EXOC5: variants seen among roughly 807,000 people sequenced by gnomAD.
EXOC5 encodes the protein SEC10-like 1.
A neutral mutation model predicts 90.8 loss-of-function variants in EXOC5; 17 were observed. The observed-to-expected ratio is 0.19, with a 90% CI of 0.13 to 0.28. EXOC5 has a LOEUF of 0.28. Among genes scored for constraint, EXOC5 ranks in the 10% least tolerant of loss-of-function variants. The pLI, the probability that EXOC5 is intolerant of heterozygous loss-of-function variation, is 1.00. For missense variants in EXOC5, 569 were observed against 830.6 expected (o/e 0.69, Z 3.87); for synonymous variants, 260 against 270.0 (o/e 0.96, Z 0.36).
At chr14:57,223,121 G>C (rs1566727848) in intron 12 of EXOC5, among the ~76,000 whole-genome samples, 1 of 152,004 alleles carries the variant, frequency 6.6e-6, no homozygotes, top group Admixed American at 6.6e-5. Flanking sequence ...CTTGAGGTAA[G>C]AATAAATACG....
At chr14:57,208,832 CA>C (rs770312346) in intron 17 of EXOC5, 35 bp from the exon 18 acceptor site, 2 of 1,405,182 alleles carry the variant, frequency 1.4e-6, no homozygotes, top group African/African-American at 1.4e-5. Flanking sequence ...AACATTGAAA[CA>C]AAACAATTTC....
chr14:57,252,036 T>C (rs895873425), intron 1 of EXOC5, among the ~76,000 whole-genome samples: 11 of 152,154 alleles, frequency 7.2e-5, no homozygotes, highest in African/African-American at 2.4e-4. Flanking sequence ...AATACACCTA[T>C]AGCCAGTAAG....
rs947259650 is a variant in EXOC5, at chr14:57,202,505, T to G, written c.*6104A>C. 6.6e-6 allele frequency: 1 copy of G among 152,220 alleles called. No homozygotes were observed. Among genetic ancestry groups the G allele is most frequent in the African/African-American group, 2.4e-5 (1 of 41,470 alleles). 9.4% of individuals were successfully genotyped at this position (152,220 alleles called of 1,614,324 possible). The stretch of plus-strand genomic sequence containing the variant: ...TCTCAAAAGGGAAAAATTTTATTTG[T>G]ACAGTATTTACAACCCTTCTGTTAA... On this transcript the variant is annotated 3_prime_UTR_variant, in exon 18 of 18. Coordinates refer to ENST00000621441, the MANE Select transcript of EXOC5 (RefSeq NM_006544.4).
chr14:57,205,771 G>A lies in EXOC5; in HGVS notation c.*2838C>T, dbSNP rs1882632626. The A allele has an allele frequency of 2.4e-6, 1 of 420,906 alleles. No individual in the cohort carries two copies. The highest frequency in any genetic ancestry group is 7.0e-5 in the East Asian group (1 of 14,214). 26.1% of individuals were successfully genotyped at this position (420,906 alleles called of 1,614,324 possible). The stretch of plus-strand genomic sequence containing the variant: ...GGGGGAAAAAAGAATGATCTACAAT[G>A]TAATATAAATTAACCTAATTTAAAT... On this transcript the variant is annotated 3_prime_UTR_variant, in exon 18 of 18. Transcript: ENST00000621441.
At chr14:57,247,208 A>ATAG (rs1313650482) in intron 2 of EXOC5, among the ~76,000 whole-genome samples, 2 of 152,210 alleles carry the variant, frequency 1.3e-5, no homozygotes, top group Non-Finnish European at 2.9e-5. Context: ...AATACACTTT[A>ATAG]TAGCCTACTT....
At chr14:57,237,910 A>G (rs1437380998) in intron 5 of EXOC5, among the ~76,000 whole-genome samples, 1 of 152,158 alleles carries the variant, frequency 6.6e-6, no homozygotes, top group Non-Finnish European at 1.5e-5. Context: ...TGCCTAGCAG[A>G]GTAGCCATTC....
At chr14:57,234,066 T>C (rs1323416831) in intron 7 of EXOC5, 34 bp from the exon 8 acceptor site, 2 of 1,422,914 alleles carry the variant, frequency 1.4e-6, no homozygotes, top group African/African-American at 1.4e-5. Flanking sequence ...ATTATTCTGA[T>C]TCAATTATAA....
At position 57,203,101 on chromosome 14, in the gene EXOC5, A is replaced by G. The variant is rs1467287756; in HGVS notation, c.*5508T>C. ...TCCAGACTCTATTTGGATATTTTCT[A>G]TAGCAAAAACCTAAAGGTTATTTAT... On this transcript the variant is annotated 3_prime_UTR_variant, in exon 18 of 18. Coordinates refer to ENST00000621441, the MANE Select transcript of EXOC5 (RefSeq NM_006544.4). The G allele has an allele frequency of 6.6e-6, 1 of 152,142 alleles. No individual in the cohort carries two copies. The highest frequency in any genetic ancestry group is 1.5e-5 in the Non-Finnish European group (1 of 68,036). 9.4% of individuals were successfully genotyped at this position (152,142 alleles called of 1,614,324 possible).
At chr14:57,258,532 C>T (rs1308828225) in intron 1 of EXOC5, among the ~76,000 whole-genome samples, 1 of 152,114 alleles carries the variant, frequency 6.6e-6, no homozygotes, top group African/African-American at 2.4e-5. Flanking sequence ...GAACATCACA[C>T]ACCAGGGCCT....
chr14:57,236,205 T>A (rs558502560), intron 6 of EXOC5, among the ~76,000 whole-genome samples: 1 of 152,102 alleles, frequency 6.6e-6, no homozygotes, highest in East Asian at 1.9e-4. Context: ...TTCTGATGCC[T>A]CTACCTAGAA....
intron 1 of EXOC5, among the ~76,000 whole-genome samples, chr14:57,267,789 A>C (rs1884724051): frequency 6.6e-6 from 1 of 152,316 alleles, no homozygotes; most frequent in Non-Finnish European, 1.5e-5. Context: ...CGCTCGAGGA[A>C]AGACATTAGT....
intron 1 of EXOC5, among the ~76,000 whole-genome samples, chr14:57,266,847 G>T (rs1884684747): frequency 6.7e-6 from 1 of 149,766 alleles, no homozygotes; most frequent in South Asian, 2.1e-4. Context: ...TAGGGAGAGG[G>T]GAAAAAAAAA....
rs367548680 is a variant in EXOC5, at chr14:57,255,358, T to G, written c.28-7646A>C. 8.5e-5 allele frequency among the ~76,000 whole-genome samples: 13 copies of G among 152,226 alleles called. No individual in the cohort carries two copies. In the South Asian group the frequency reaches 2.7e-3, roughly 32 times the overall value. On this transcript the variant is annotated intron_variant, in intron 1 of 17. Coordinates refer to ENST00000621441, the MANE Select transcript of EXOC5 (RefSeq NM_006544.4). The stretch of plus-strand genomic sequence containing the variant: ...TAGAAGTAGAAACATTTGAGATGGA[T>G]TTGCCTTTCCTCAGAGGCAGTGTTT...
chr14:57,230,905 A>G (rs1180389142), intron 11 of EXOC5, among the ~76,000 whole-genome samples: 1 of 151,710 alleles, frequency 6.6e-6, no homozygotes, highest in East Asian at 1.9e-4. Flanking sequence ...AACTTATTCT[A>G]TCGAGAAAAA....
At chr14:57,240,326 G>C (rs1009374008) in intron 4 of EXOC5, among the ~76,000 whole-genome samples, 17 of 151,588 alleles carry the variant, frequency 1.1e-4, no homozygotes, top group African/African-American at 3.9e-4. Flanking sequence ...TATCTCTTAA[G>C]GCTGGAGTGC....
intron 12 of EXOC5, among the ~76,000 whole-genome samples, chr14:57,228,971 T>C (rs1161804228): frequency 1.3e-5 from 2 of 152,082 alleles, no homozygotes. Context: ...ACTTTATCAC[T>C]CTGACTTATC....
chr14:57,216,877 A>G (rs981415357), intron 15 of EXOC5, among the ~76,000 whole-genome samples: 1 of 152,174 alleles, frequency 6.6e-6, no homozygotes, highest in African/African-American at 2.4e-5. Context: ...CATACATCTC[A>G]GAGGTGTTTA....
intron 17 of EXOC5, among the ~76,000 whole-genome samples, chr14:57,209,047 G>A (rs1882746442): frequency 6.6e-6 from 1 of 152,058 alleles, no homozygotes; most frequent in African/African-American, 2.4e-5. Context: ...ATACTTCAGA[G>A]GACTAAAACT....
At position 57,202,025 on chromosome 14, in the gene EXOC5, A is replaced by G. The variant is rs921268237; in HGVS notation, c.*6584T>C. ...GTACCTTAAGAAAGTGATAAAAATG[A>G]ACATCATCAGAAATGGGGCAAATTG... is the stretch of plus-strand genomic sequence containing the variant. On this transcript the variant is annotated 3_prime_UTR_variant, in exon 18 of 18. Coordinates refer to ENST00000621441, the MANE Select transcript of EXOC5 (RefSeq NM_006544.4). 1 of 152,154 alleles carries G rather than the reference A, an allele frequency of 6.6e-6. No individual in the cohort carries two copies. The highest frequency in any genetic ancestry group is 1.5e-5 in the Non-Finnish European group (1 of 68,034). 9.4% of individuals were successfully genotyped at this position (152,154 alleles called of 1,614,324 possible).
Sources: allele counts gnomAD v4.1 joint callset (sites outside exome capture counted in the v4.1 genomes callset), GRCh38; gene constraint gnomAD v4.1.1; transcripts MANE v1.5; gene names NCBI Gene and HGNC (gene_info 2026-07-23, HGNC 2026-07-21).